SLC28A2: variants seen among roughly 807,000 people sequenced by gnomAD.
SLC28A2 encodes the protein sodium/nucleoside cotransporter 2.
A neutral mutation model predicts 72.9 loss-of-function variants in SLC28A2; 69 were observed. The ratio of observed to expected loss-of-function variants is 0.95; its 90% CI spans 0.78 to 1.16. The LOEUF is 1.16. Ranked by LOEUF, SLC28A2 falls within the 50% of genes most tolerant of loss-of-function variation. SLC28A2 has a pLI of 0.00. For synonymous variants in SLC28A2, 296 were observed against 294.1 expected (o/e 1.01, Z -0.07); for missense variants, 745 against 791.1 (o/e 0.94, Z 0.70).
In SLC28A2 at chr15:45,264,750, G is replaced by A; in HGVS notation, c.684G>A (p.Trp228Ter). 1 of 1,610,050 alleles carries A rather than the reference G, an allele frequency of 6.2e-7. No individual in the cohort carries two copies. ...ATCTTGGATATACTGTATTTCAGTG[G>A]CTGGGAGAGCAGGTCCAGGTATGAG... ...RTDLGYTVFQ[W>*]LGEQVQIFLN... is the part of the protein sequence containing the mutation. Residue 228 changes from tryptophan to a stop codon, truncating the protein, a stop_gained, in exon 7 of 18, where the codon TGG becomes TGA. Transcript: ENST00000347644. LOFTEE classifies it high-confidence loss of function.
chr15:45,265,663 G>A lies in SLC28A2; in HGVS notation c.861G>A (p.Lys287=), dbSNP rs1344705290. ...YLGLVQWVVQ[K]VAWFLQITMG... ...GCCTTGTGCAATGGGTAGTTCAGAA[G>A]GTGAGTCGTTCTCTTACACCAGTCA... The change falls in exon 9 of 18, where the codon AAG becomes AAA. Residue 287 remains lysine (K), a splice_region_variant and synonymous_variant. Transcript: ENST00000347644. 1.2e-6 allele frequency: 2 copies of A among 1,604,100 alleles called. No individual in the cohort carries two copies. Among genetic ancestry groups the A allele is most frequent in the Non-Finnish European group, 1.7e-6 (2 of 1,170,876 alleles).
Position 45,268,315 on chromosome 15 carries a change from C to CT in SLC28A2, c.1307dup (p.Ile437HisfsTer46). On this transcript the variant is annotated frameshift_variant, in exon 13 of 18. Coordinates refer to ENST00000347644, the MANE Select transcript of SLC28A2 (RefSeq NM_004212.4). LOFTEE classifies it high-confidence loss of function. Reference sequence around the variant, plus strand: ...TGATTGCCTTTTTGGCTGTGTTGGCCTTCATCAATGCTGCCCTCTCCTGGC... The same window carrying CT: ...TGATTGCCTTTTTGGCTGTGTTGGCCTTTCATCAATGCTGCCCTCTCCTGGC... 1 of 1,612,010 alleles carries CT rather than the reference C, an allele frequency of 6.2e-7. No homozygotes were observed. Among genetic ancestry groups the CT allele is most frequent in the Non-Finnish European group, 8.5e-7 (1 of 1,178,298 alleles).
chr15:45,269,514 G>A lies in SLC28A2; in HGVS notation c.1545G>A (p.Glu515=), dbSNP rs776145984. The A allele has an allele frequency of 6.2e-7, 1 of 1,614,006 alleles. No individual in the cohort carries two copies. The highest frequency in any genetic ancestry group is 2.2e-5 in the East Asian group (1 of 44,888). The stretch of plus-strand genomic sequence containing the variant: ...TCTCTGGAATGGAGGAGTGGATTGA[G>A]GGAGAGAAACAGTGGATTTCTGTAA... ...KRLSGMEEWI[E]GEKQWISVRA... is the part of the protein sequence containing the mutation. Residue 515 remains glutamate, a synonymous_variant, in exon 14 of 18, where the codon GAG becomes GAA. Transcript: ENST00000347644.
chr15:45,267,694 CTG>C lies in SLC28A2; in HGVS notation c.1100_1101del (p.Val367AspfsTer25). 6.2e-7 allele frequency: 1 copy of C among 1,614,116 alleles called. No individual in the cohort carries two copies. Among genetic ancestry groups the C allele is most frequent in the Non-Finnish European group, 8.5e-7 (1 of 1,180,002 alleles). ...GATGCATCATCCCTGATTTCTGCCTCTGTGATGGCCGCCCCTTGTGCTCTCGC... is the reference window on the plus strand; with the variant it reads ...GATGCATCATCCCTGATTTCTGCCTCTGATGGCCGCCCCTTGTGCTCTCGC... On this transcript the variant is annotated frameshift_variant, in exon 12 of 18. Coordinates refer to ENST00000347644, the MANE Select transcript of SLC28A2 (RefSeq NM_004212.4). LOFTEE classifies it high-confidence loss of function.
intron 3 of SLC28A2, among the ~76,000 whole-genome samples, chr15:45,254,345 C>T (rs771825761): frequency 7.9e-5 from 12 of 152,142 alleles, no homozygotes; most frequent in Admixed American, 2.6e-4. Flanking sequence ...TGTATATCAA[C>T]GGTGTATATC....
chr15:45,268,088 G>C (rs890544541), intron 12 of SLC28A2, 122 bp from the exon 13 acceptor site: 1 of 923,590 alleles, frequency 1.1e-6, no homozygotes, highest in African/African-American at 1.7e-5. Context: ...AGGAACCCCT[G>C]TCACCTTCTA....
At chr15:45,269,211 G>A (rs1900457033) in intron 13 of SLC28A2, 127 bp from the exon 14 acceptor site, 1 of 725,938 alleles carries the variant, frequency 1.4e-6, no homozygotes, top group African/African-American at 1.8e-5. Context: ...CTGACCCACA[G>A]TAAGCCAAGA....
In SLC28A2 at chr15:45,276,692, T is replaced by C. The variant is rs1343789815; in HGVS notation, c.*1179T>C. The C allele has an allele frequency of 6.6e-6, 1 of 152,176 alleles. No individual in the cohort carries two copies. Among genetic ancestry groups the C allele is most frequent in the Non-Finnish European group, 1.5e-5 (1 of 68,028 alleles). The allele number at this position is 152,176 out of a possible 1,614,324, so 9.4% of individuals were successfully genotyped here. On this transcript the variant is annotated 3_prime_UTR_variant, in exon 18 of 18. Transcript: ENST00000347644. Reference sequence around the variant, plus strand: ...AATTTGCCTGGGACGGGGGAGAAGCTACATTTATTGGCATTGTGGATGAGC... The same window carrying C: ...AATTTGCCTGGGACGGGGGAGAAGCCACATTTATTGGCATTGTGGATGAGC...
At chr15:45,266,341 G>A (rs572791668) in intron 10 of SLC28A2, among the ~76,000 whole-genome samples, 180 bp downstream of exon 10, 62 of 152,260 alleles carry the variant, frequency 4.1e-4, no homozygotes, top group African/African-American at 1.4e-3. Flanking sequence ...CACCCTTTGC[G>A]CCTAATAATA....
intron 15 of SLC28A2, chr15:45,271,917 C>T (rs1487028714): frequency 5.4e-6 from 1 of 184,764 alleles, no homozygotes; most frequent in African/African-American, 2.4e-5. Flanking sequence ...CCCTCTGTCT[C>T]AAAATAGTCC....
rs1899854459 is a variant in SLC28A2 at position 45,253,228 on chromosome 15, AG to A, written c.14del (p.Ser5MetfsTer16). The A allele has an allele frequency of 1.9e-6, 3 of 1,613,082 alleles. No homozygotes were observed. In the African/African-American group the frequency reaches 4.0e-5, roughly 22 times the overall value. MEKA[S>X]GRQSIALSTV... ...AGGAGAACAGGAGATGGAGAAAGCA[AG>A]TGGAAGACAGTCCATTGCTCTGTCC... On this transcript the variant is annotated frameshift_variant, in exon 2 of 18. Transcript: ENST00000347644. LOFTEE classifies it high-confidence loss of function.
chr15:45,275,327 C>T, intron 17 of SLC28A2, 69 bp from the exon 18 acceptor site: 2 of 906,896 alleles, frequency 2.2e-6, no homozygotes, highest in South Asian at 1.5e-5. Context: ...CTTAGTATAA[C>T]TTATTGATAT....
In SLC28A2 at chr15:45,277,335, C is replaced by T. The variant is rs1466175053; in HGVS notation, c.*1822C>T. 5 of 152,054 alleles carry T rather than the reference C, an allele frequency of 3.3e-5. No individual in the cohort carries two copies. The East Asian group carries it at 9.6e-4, about 29-fold the overall frequency. 9.4% of individuals were successfully genotyped at this position (152,054 alleles called of 1,614,324 possible). A position where few individuals can be genotyped will look rare whatever the true frequency, so the allele number is the denominator to read the frequency against. ...CCCCACAATTCCACTCCTACATACA[C>T]ATTCAAAAGAATCAAAACTAAGTTC... is the stretch of plus-strand genomic sequence containing the variant. On this transcript the variant is annotated 3_prime_UTR_variant, in exon 18 of 18. Coordinates refer to ENST00000347644, the MANE Select transcript of SLC28A2 (RefSeq NM_004212.4).
At chr15:45,260,526 G>A (rs574514447) in intron 3 of SLC28A2, among the ~76,000 whole-genome samples, 1 of 152,308 alleles carries the variant, frequency 6.6e-6, no homozygotes, top group Non-Finnish European at 1.5e-5. Flanking sequence ...ATGGAAAAAT[G>A]AGGAAGGATC....
intron 7 of SLC28A2, 88 bp from the exon 8 acceptor site, chr15:45,265,001 C>T (rs1900287564): frequency 4.7e-6 from 5 of 1,058,456 alleles, no homozygotes; most frequent in South Asian, 1.3e-5. Context: ...ACAGTAGGTC[C>T]TCAGGACGCA....
chr15:45,259,311 T>C (rs1468140138), intron 3 of SLC28A2, among the ~76,000 whole-genome samples: 2 of 152,200 alleles, frequency 1.3e-5, no homozygotes, highest in African/African-American at 4.8e-5. Flanking sequence ...TTGTATACCA[T>C]AAACATATAC....
At chr15:45,259,773 A>C (rs1167796101) in intron 3 of SLC28A2, among the ~76,000 whole-genome samples, 1 of 152,208 alleles carries the variant, frequency 6.6e-6, no homozygotes, top group Non-Finnish European at 1.5e-5. Context: ...AAACCTAATA[A>C]AGACAGGTAA....
intron 3 of SLC28A2, among the ~76,000 whole-genome samples, chr15:45,257,784 T>A (rs934515224): frequency 5.3e-5 from 8 of 152,256 alleles, no homozygotes; most frequent in African/African-American, 1.9e-4. Context: ...TTGCTTCGAC[T>A]TTATTAAGTT....
intron 14 of SLC28A2, 87 bp downstream of exon 14, chr15:45,269,622 T>A: frequency 8.9e-7 from 1 of 1,127,812 alleles, no homozygotes; most frequent in Non-Finnish European, 1.3e-6. Flanking sequence ...ACAGGTTTGT[T>A]GCAGACCTGC....
Sources: gnomAD v4.1 joint callset for allele counts (sites outside exome capture counted in the v4.1 genomes callset) on GRCh38, gnomAD v4.1.1 for gene constraint, MANE v1.5 for transcripts, NCBI Gene and HGNC (gene_info 2026-07-23, HGNC 2026-07-21) for gene names.